POC1B: variants seen among roughly 807,000 people sequenced by gnomAD.
POC1B encodes POC1 centriolar protein B.
A neutral mutation model predicts 60.6 loss-of-function variants in POC1B; 44 were observed. That is an observed-to-expected ratio of 0.73 (90% CI 0.57 to 0.93). POC1B has a LOEUF of 0.93. POC1B is among the 40% of genes least tolerant of loss of function. The pLI, the probability that POC1B is intolerant of heterozygous loss-of-function variation, is 0.00. For synonymous variants in POC1B, 180 were observed against 198.9 expected, an observed-to-expected ratio of 0.90 and a Z score of 0.80; for missense variants, 555 against 572.3, an observed-to-expected ratio of 0.97 and a Z score of 0.31.
At chr12:89,407,486 C>T in the POC1B span, among the ~76,000 whole-genome samples, 3 of 152,104 alleles carry the variant, frequency 2.0e-5, no homozygotes, top group Non-Finnish European at 4.4e-5. Context: ...GATCCATGGG[C>T]CTCAGCCTCC....
At chr12:89,425,543 A>G (rs1880727329) in intron 10 of POC1B, 164 bp from the exon 11 acceptor site, 1 of 514,168 alleles carries the variant, frequency 1.9e-6, no homozygotes, top group Non-Finnish European at 3.3e-6. Flanking sequence ...ATAAGGAATT[A>G]TTATAATTCT....
At chr12:89,495,819 T>C (rs1159653818) in intron 3 of POC1B, among the ~76,000 whole-genome samples, 1 of 152,086 alleles carries the variant, frequency 6.6e-6, no homozygotes, top group Non-Finnish European at 1.5e-5. Flanking sequence ...TGGAGTACAA[T>C]GGCATGATCT....
intron 2 of POC1B, chr12:89,523,306 A>G: frequency 6.2e-7 from 1 of 1,614,094 alleles, no homozygotes. Flanking sequence ...CCGCTCTCGT[A>G]GTAATTTTCT....
chr12:89,468,606 G>T (rs1882771153), intron 7 of POC1B, among the ~76,000 whole-genome samples: 1 of 152,014 alleles, frequency 6.6e-6, no homozygotes, highest in Non-Finnish European at 1.5e-5. Context: ...GAAAGACTGT[G>T]TTTATCTTTT....
At chr12:89,472,305 T>C in intron 4 of POC1B, 30 bp from the exon 5 acceptor site, 1 of 1,458,850 alleles carries the variant, frequency 6.9e-7, no homozygotes, top group African/African-American at 1.4e-5. Context: ...AGATGTTTTA[T>C]GTGAAAGGCT....
chr12:89,475,866 T>C (rs1219116896), intron 4 of POC1B, among the ~76,000 whole-genome samples: 9 of 151,724 alleles, frequency 5.9e-5, no homozygotes, highest in African/African-American at 2.2e-4. Context: ...TACTACTGAA[T>C]TCCTTAAACT....
At chr12:89,500,982 G>A (rs1869535973) in intron 2 of POC1B, 2 of 911,094 alleles carry the variant, frequency 2.2e-6, no homozygotes, top group South Asian at 1.4e-5. Flanking sequence ...GTGTCCTCCC[G>A]ATGATATGAA....
chr12:89,503,415 T>C (rs1249031677), intron 2 of POC1B, among the ~76,000 whole-genome samples: 1 of 152,252 alleles, frequency 6.6e-6, no homozygotes, highest in Non-Finnish European at 1.5e-5. Context: ...ATTCACTCAG[T>C]GCTCAATGTT....
chr12:89,408,416 CCCA>C, the POC1B span, among the ~76,000 whole-genome samples: 1 of 152,044 alleles, frequency 6.6e-6, no homozygotes, highest in Non-Finnish European at 1.5e-5. Context: ...AATTTACACT[CCCA>C]CCGACAGTGT....
Position 89,502,698 on chromosome 12 carries a change from A to T in POC1B, c.101-5356T>A, listed in dbSNP as rs527371000. 1.4e-4 allele frequency: 192 copies of T among 1,338,692 alleles called. No individual in the cohort carries two copies. In the African/African-American group the frequency reaches 2.6e-3, roughly 18 times the overall value. 82.9% of individuals were successfully genotyped at this position (1,338,692 alleles called of 1,614,324 possible). Reference sequence around the variant, plus strand: ...GAGTTGAAGGTATATAACACATTGGATACACCCTTTTTTTCTACTGGGAAA... The same window carrying T: ...GAGTTGAAGGTATATAACACATTGGTTACACCCTTTTTTTCTACTGGGAAA... On this transcript the variant is annotated intron_variant, in intron 2 of 11. Transcript: ENST00000313546.
chr12:89,422,051 A>T (rs959951693), intron 11 of POC1B, among the ~76,000 whole-genome samples: 35 of 150,864 alleles, frequency 2.3e-4, no homozygotes, highest in Admixed American at 5.3e-4. Flanking sequence ...TTTTTTTTTT[A>T]AAAAAACTTA....
At chr12:89,418,166 T>G (rs369697639), downstream of POC1B, among the ~76,000 whole-genome samples, 1 of 152,102 alleles carries the variant, frequency 6.6e-6, no homozygotes, top group Non-Finnish European at 1.5e-5. Context: ...TCTGAACAGG[T>G]ACCAGGTGAG....
rs113929871 is a variant in POC1B, at chr12:89,425,359, C to T, written c.1134G>A (p.Arg378=). The change falls in exon 11 of 12, where the codon AGG becomes AGA. Residue 378 remains arginine (R), a synonymous_variant. Transcript: ENST00000313546. ...CCTCTTCACCCTTGTCTGGCAGAGT[C>T]CTACCACTGGTTTCTGTTGTCTTTA... ...DSTTTTETSG[R]TLPDKGEEAC... is the part of the protein sequence containing the mutation. The T allele has an allele frequency of 1.2e-6, 2 of 1,613,854 alleles. No individual in the cohort carries two copies. Among genetic ancestry groups the T allele is most frequent in the Non-Finnish European group, 1.7e-6 (2 of 1,179,904 alleles).
chr12:89,495,717 A>T (rs960397686), intron 3 of POC1B, among the ~76,000 whole-genome samples: 2 of 152,100 alleles, frequency 1.3e-5, no homozygotes. Context: ...TTTTGGGATG[A>T]TTCAAGTGCA....
At chr12:89,484,282 A>G (rs565960676) in intron 4 of POC1B, among the ~76,000 whole-genome samples, 13 of 152,246 alleles carry the variant, frequency 8.5e-5, no homozygotes, top group Non-Finnish European at 1.6e-4. Context: ...ATCCAATCAC[A>G]GGACTGATTA....
At position 89,420,365 on chromosome 12, in the gene POC1B, G is replaced by A. The variant is rs1267420802; in HGVS notation, c.*788C>T. Reference sequence around the variant, plus strand: ...GTGTATATTTTTAAATATCACTTTTGTATCACTCTGACTTTTTAGCATACT... The same window carrying A: ...GTGTATATTTTTAAATATCACTTTTATATCACTCTGACTTTTTAGCATACT... On this transcript the variant is annotated 3_prime_UTR_variant, in exon 12 of 12. Coordinates refer to ENST00000313546, the MANE Select transcript of POC1B (RefSeq NM_172240.3). 2 of 152,076 alleles carry A rather than the reference G, an allele frequency of 1.3e-5. No individual in the cohort carries two copies. Among genetic ancestry groups the A allele is most frequent in the Non-Finnish European group, 2.9e-5 (2 of 68,014 alleles). The allele number at this position is 152,076 out of a possible 1,614,324, so 9.4% of individuals were successfully genotyped here. A position where few individuals can be genotyped will look rare whatever the true frequency, so the allele number is the denominator to read the frequency against.
chr12:89,402,020 C>T, the POC1B span, among the ~76,000 whole-genome samples: 3 of 152,176 alleles, frequency 2.0e-5, no homozygotes, highest in Admixed American at 2.0e-4. Context: ...TCATTTATCA[C>T]CCCAAGGAGA....
chr12:89,520,333 A>G (rs948152711), intron 2 of POC1B: 3 of 152,176 alleles, frequency 2.0e-5, no homozygotes, highest in African/African-American at 7.2e-5. Context: ...TACTTTCAAA[A>G]TATAACAATT....
chr12:89,509,905 G>A (rs1267701325), intron 2 of POC1B, among the ~76,000 whole-genome samples: 1 of 152,144 alleles, frequency 6.6e-6, no homozygotes, highest in African/African-American at 2.4e-5. Context: ...GAGTGCCGTG[G>A]GGCGATTTTG....
Sources: allele counts gnomAD v4.1 joint callset (sites outside exome capture counted in the v4.1 genomes callset), GRCh38; gene constraint gnomAD v4.1.1; transcripts MANE v1.5; gene names NCBI Gene and HGNC (gene_info 2026-07-23, HGNC 2026-07-21).